The following SGMS1 variants were observed in gnomAD, a reference collection of about 807,000 sequenced individuals.
SGMS1 encodes the protein phosphatidylcholine:ceramide cholinephosphotransferase 1.
A neutral mutation model predicts 46.2 loss-of-function variants in SGMS1; 13 were observed. The ratio of observed to expected loss-of-function variants is 0.28; its 90% confidence interval spans 0.18 to 0.45. SGMS1 has a LOEUF of 0.45. Among genes scored for constraint, SGMS1 ranks in the 20% least tolerant of loss-of-function variants. SGMS1 has a pLI of 1.00. For synonymous variants in SGMS1, 203 were observed against 187.8 expected (o/e 1.08, Z -0.66); for missense variants, 324 against 519.9 (o/e 0.62, Z 3.66).
chr10:50,408,534 T>A (rs1239007544), intron 6 of SGMS1, among the ~76,000 whole-genome samples: 2 of 150,948 alleles, frequency 1.3e-5, no homozygotes, highest in Non-Finnish European at 2.9e-5. Flanking sequence ...ATACAAAAAA[T>A]TAGCTGGGTG....
chr10:50,355,574 G>A (rs1848129277), intron 6 of SGMS1, among the ~76,000 whole-genome samples: 1 of 152,178 alleles, frequency 6.6e-6, no homozygotes, highest in Admixed American at 6.5e-5. Context: ...CTCACTCAGT[G>A]CTCAATGTTG....
chr10:50,398,059 G>C (rs1848872008), intron 6 of SGMS1, among the ~76,000 whole-genome samples: 2 of 152,178 alleles, frequency 1.3e-5, no homozygotes, highest in African/African-American at 4.8e-5. Flanking sequence ...GGTGTGCTAA[G>C]ATTTTAGTAT....
chr10:50,402,003 T>G (rs561930813), intron 6 of SGMS1, among the ~76,000 whole-genome samples: 1 of 152,252 alleles, frequency 6.6e-6, no homozygotes, highest in African/African-American at 2.4e-5. Flanking sequence ...CAAGAAATTA[T>G]TTGTGAGCTT....
chr10:50,581,089 G>T (rs1038624612), intron 2 of SGMS1, among the ~76,000 whole-genome samples: 1 of 152,164 alleles, frequency 6.6e-6, no homozygotes, highest in Non-Finnish European at 1.5e-5. Context: ...CAAATTTTAA[G>T]AACTATTGCT....
At chr10:50,363,115 C>CAT (rs3029134) in intron 6 of SGMS1, among the ~76,000 whole-genome samples, 33,648 of 151,876 alleles carry the variant, frequency 0.22, 3,844 homozygotes, top group East Asian at 0.31. Flanking sequence ...TTTCACTGGA[C>CAT]ATATACATTC....
intron 5 of SGMS1, among the ~76,000 whole-genome samples, chr10:50,452,152 T>G (rs1837118389): frequency 6.6e-6 from 1 of 152,132 alleles, no homozygotes; most frequent in African/African-American, 2.4e-5. Context: ...ATTAGAAAAT[T>G]AATCTATAAA....
chr10:50,375,905 C>T (rs746837447), intron 6 of SGMS1, among the ~76,000 whole-genome samples: 15 of 152,220 alleles, frequency 9.9e-5, no homozygotes, highest in Admixed American at 8.5e-4. Context: ...CTATGATGTC[C>T]AGGCTAGACT....
intron 2 of SGMS1, among the ~76,000 whole-genome samples, chr10:50,569,940 C>T (rs1367883547): frequency 2.0e-5 from 3 of 152,134 alleles, no homozygotes; most frequent in African/African-American, 7.2e-5. Context: ...TAGCAGGCCA[C>T]GGTGACAATA....
In SGMS1 at chr10:50,567,103, C is replaced by G. The variant is rs368055308; in HGVS notation, c.-589+23050G>C. On this transcript the variant is annotated intron_variant, in intron 2 of 10. Transcript: ENST00000361781. The stretch of plus-strand genomic sequence containing the variant: ...CTGGGATTACAGGCACCCGCCACTA[C>G]GCTCAGCTAATTTTTGTATTTTTAC... Among the ~76,000 whole-genome samples the G allele has an allele frequency of 5.9e-5, 9 of 152,210 alleles. No homozygotes were observed. In the East Asian group the frequency reaches 1.4e-3, roughly 23 times the overall value.
rs78301922 is a variant in SGMS1 at position 50,326,952 on chromosome 10, T to G, written c.741+253A>C. 6.0e-4 allele frequency among the ~76,000 whole-genome samples: 91 copies of G among 152,030 alleles called. No individual in the cohort carries two copies. In the East Asian group the frequency reaches 0.016, roughly 26 times the overall value. On this transcript the variant is annotated intron_variant, in intron 8 of 10. Transcript: ENST00000361781. The stretch of plus-strand genomic sequence containing the variant: ...AAGAAATGAATGATATTTTAACAAT[T>G]TGGCAGGAAACCAAAGAACTACACA...
chr10:50,307,060 G>T lies in SGMS1; in HGVS notation c.*82C>A. ...ACCATTGAAAGATAATAGGATTAGG[G>T]AGGTGTTTATTTTATGGCATCTTCT... On this transcript the variant is annotated 3_prime_UTR_variant, in exon 11 of 11. Coordinates refer to ENST00000361781, the MANE Select transcript of SGMS1 (RefSeq NM_147156.4). This position sits in a 1 kb window ranked among gnomAD's most constrained non-coding sequence, Gnocchi z 4.2. 1 of 1,319,024 alleles carries T rather than the reference G, an allele frequency of 7.6e-7. No homozygotes were observed. The highest frequency in any genetic ancestry group is 1.1e-6 in the Non-Finnish European group (1 of 946,814). The allele number at this position is 1,319,024 out of a possible 1,614,324, so 81.7% of individuals were successfully genotyped here. A position where few individuals can be genotyped will look rare whatever the true frequency, so the allele number is the denominator to read the frequency against.
At chr10:50,530,133 C>T (rs539552023) in intron 2 of SGMS1, among the ~76,000 whole-genome samples, 2 of 152,320 alleles carry the variant, frequency 1.3e-5, no homozygotes, top group East Asian at 3.9e-4. Flanking sequence ...ATCAGCCACC[C>T]TGTTAACACA....
intron 6 of SGMS1, among the ~76,000 whole-genome samples, chr10:50,380,536 C>G (rs544271088): frequency 8.5e-5 from 13 of 152,222 alleles, no homozygotes; most frequent in Non-Finnish European, 7.4e-5. Flanking sequence ...TCAGTTCCCC[C>G]AGGTCCTCAA....
At chr10:50,435,638 GA>G (rs139527395) in intron 5 of SGMS1, among the ~76,000 whole-genome samples, 1,701 of 152,236 alleles carry the variant, frequency 0.011, 28 homozygotes, top group African/African-American at 0.038. Context: ...ATGAATTCCT[GA>G]AAAGAGGGAA....
intron 3 of SGMS1, among the ~76,000 whole-genome samples, chr10:50,508,078 T>TGAGCAATGTATGGG (rs1488257134): frequency 4.6e-5 from 7 of 152,196 alleles, no homozygotes; most frequent in Non-Finnish European, 1.0e-4. Context: ...TTTGACCACC[T>TGAGCAATGTATGGG]CAAGCAATGT....
At chr10:50,476,484 A>C (rs1057484670) in intron 3 of SGMS1, among the ~76,000 whole-genome samples, 8 of 152,222 alleles carry the variant, frequency 5.3e-5, no homozygotes, top group African/African-American at 1.9e-4. Flanking sequence ...GGTAGAAAAG[A>C]AAAACCCATT....
At chr10:50,618,702 A>G (rs1317609401) in intron 1 of SGMS1, among the ~76,000 whole-genome samples, 1 of 152,138 alleles carries the variant, frequency 6.6e-6, no homozygotes, top group Non-Finnish European at 1.5e-5. Context: ...CAGCTGAGCA[A>G]CTCTGGAGAG....
intron 4 of SGMS1, among the ~76,000 whole-genome samples, chr10:50,464,224 G>T (rs1379827680): frequency 6.6e-6 from 1 of 152,082 alleles, no homozygotes; most frequent in Non-Finnish European, 1.5e-5. Context: ...TATCTGAATG[G>T]GCCTAATGTA....
intron 6 of SGMS1, among the ~76,000 whole-genome samples, chr10:50,400,601 C>T (rs532785229): frequency 2.3e-4 from 35 of 151,682 alleles, no homozygotes; most frequent in Admixed American, 3.3e-4. Flanking sequence ...CAGCTATATA[C>T]CACCTCGCCC....
Sources: gnomAD v4.1 joint callset for allele counts (sites outside exome capture counted in the v4.1 genomes callset) on GRCh38, gnomAD v4.1.1 for gene constraint, Gnocchi (gnomAD v3.1) non-coding constraint, MANE v1.5 for transcripts, NCBI Gene and HGNC (gene_info 2026-07-23, HGNC 2026-07-21) for gene names.